Variants in INPP4B observed in about 807,000 individuals in gnomAD.
INPP4B encodes inositol polyphosphate 4-phosphatase type II.
In INPP4B, 55 loss-of-function variants were observed where a neutral mutation model predicts 122.5. The ratio of observed to expected loss-of-function variants is 0.45; its 90% CI spans 0.36 to 0.56. INPP4B has a LOEUF of 0.56. Ranked by LOEUF, INPP4B falls within the 20% of genes least tolerant of loss-of-function variation. INPP4B has a pLI of 0.00. For missense variants in INPP4B, 1,000 were observed against 1,097.7 expected (o/e 0.91, Z 1.26); for synonymous variants, 403 against 388.7 (o/e 1.04, Z -0.43).
At chr4:142,638,814 G>C (rs1749740099) in intron 2 of INPP4B, among the ~76,000 whole-genome samples, 1 of 152,110 alleles carries the variant, frequency 6.6e-6, no homozygotes, top group African/African-American at 2.4e-5. Flanking sequence ...CCAAAGTGCT[G>C]GGATTACAGG....
intron 23 of INPP4B, among the ~76,000 whole-genome samples, chr4:142,087,617 C>T (rs1777479236): frequency 6.6e-6 from 1 of 152,202 alleles, no homozygotes; most frequent in Admixed American, 6.5e-5. Flanking sequence ...TGGACTACAA[C>T]TACGTTACCG....
chr4:142,446,836 CA>C (rs1417351035), intron 3 of INPP4B, among the ~76,000 whole-genome samples: 2 of 151,992 alleles, frequency 1.3e-5, no homozygotes, highest in African/African-American at 4.8e-5. Context: ...TAGCTTGGTG[CA>C]AAAGTAATTG....
chr4:142,063,579 G>A (rs1762058483), intron 25 of INPP4B, among the ~76,000 whole-genome samples: 1 of 152,076 alleles, frequency 6.6e-6, no homozygotes, highest in African/African-American at 2.4e-5. Context: ...ACATTTGGTT[G>A]GAGATAAAGC....
intron 25 of INPP4B, among the ~76,000 whole-genome samples, chr4:142,044,409 GTA>G (rs1750133751): frequency 1.3e-5 from 2 of 152,174 alleles, no homozygotes; most frequent in African/African-American, 4.8e-5. Flanking sequence ...GTGTAAGTAA[GTA>G]TGTGTCAAAT....
At chr4:142,581,360 G>T (rs1735012763) in intron 2 of INPP4B, among the ~76,000 whole-genome samples, 1 of 151,938 alleles carries the variant, frequency 6.6e-6, no homozygotes, top group Admixed American at 6.6e-5. Context: ...GAAACCAAGG[G>T]CAAGCAAACA....
chr4:142,714,335 T>C (rs1422183266), intron 2 of INPP4B, among the ~76,000 whole-genome samples: 1 of 152,232 alleles, frequency 6.6e-6, no homozygotes, highest in Admixed American at 6.5e-5. Flanking sequence ...CCATGTTCTC[T>C]TCTTTTCACT....
At chr4:142,287,566 A>C (rs545850663) in intron 9 of INPP4B, 1 of 152,268 alleles carries the variant, frequency 6.6e-6, no homozygotes, top group South Asian at 2.1e-4. Context: ...CCTTCTTCTA[A>C]ATCTCAACTT....
chr4:142,547,918 T>C (rs919306403), intron 2 of INPP4B, among the ~76,000 whole-genome samples: 1 of 152,130 alleles, frequency 6.6e-6, no homozygotes, highest in Non-Finnish European at 1.5e-5. Context: ...GCAAAAACAA[T>C]GCAAGTTTAT....
At chr4:142,834,498 A>G (rs1782543531) in intron 1 of INPP4B, among the ~76,000 whole-genome samples, 1 of 152,192 alleles carries the variant, frequency 6.6e-6, no homozygotes, top group Admixed American at 6.5e-5. Context: ...CCAAATCAAG[A>G]TGCTGGTCAT....
chr4:142,448,967 C>T (rs890793396), intron 3 of INPP4B, among the ~76,000 whole-genome samples: 2 of 152,150 alleles, frequency 1.3e-5, no homozygotes, highest in Admixed American at 6.6e-5. Context: ...AGATAATTCC[C>T]GTCAGGGCAA....
In INPP4B at chr4:142,028,305, A is replaced by AT. The variant is rs999175813; in HGVS notation, c.*476dup. 1.3e-4 allele frequency: 29 copies of AT among 227,006 alleles called. No homozygotes were observed. Among genetic ancestry groups the AT allele is most frequent in the East Asian group, 1.0e-3 (16 of 15,734 alleles). 14.1% of individuals were successfully genotyped at this position (227,006 alleles called of 1,614,324 possible). A position where few individuals can be genotyped will look rare whatever the true frequency, so the allele number is the denominator to read the frequency against. On this transcript the variant is annotated 3_prime_UTR_variant, in exon 26 of 26. Transcript: ENST00000262992. ...ACTCTACCTAATTGAGTGGCTACAC[A>AT]TTTTTTTTAAATCCCTTACATTGAT...
chr4:142,112,465 G>A (rs1790694570), intron 22 of INPP4B, 77 bp downstream of exon 22: 1 of 1,397,444 alleles, frequency 7.2e-7, no homozygotes, highest in African/African-American at 1.5e-5. Context: ...TCTACATGCA[G>A]ATACATGGGA....
intron 1 of INPP4B, among the ~76,000 whole-genome samples, chr4:142,836,947 C>G (rs1434528890): frequency 6.6e-6 from 1 of 151,776 alleles, no homozygotes; most frequent in Non-Finnish European, 1.5e-5. Context: ...GGGTGGATCA[C>G]TTGAGGTCAG....
chr4:142,699,598 A>C (rs1761459135), intron 2 of INPP4B, among the ~76,000 whole-genome samples: 1 of 152,156 alleles, frequency 6.6e-6, no homozygotes, highest in Admixed American at 6.5e-5. Context: ...TATATTATAC[A>C]TCCCTGATCC....
At chr4:142,437,687 A>G (rs1426376590) in intron 3 of INPP4B, among the ~76,000 whole-genome samples, 3 of 152,282 alleles carry the variant, frequency 2.0e-5, no homozygotes, top group African/African-American at 7.2e-5. Flanking sequence ...TTAATGATAA[A>G]GGGGATATCA....
chr4:142,806,261 C>A (rs1246088446), intron 1 of INPP4B, among the ~76,000 whole-genome samples: 6 of 108,498 alleles, frequency 5.5e-5, no homozygotes, highest in East Asian at 5.4e-4. Context: ...CCTGGGAGAA[C>A]GAGTGAGACT....
intron 17 of INPP4B, among the ~76,000 whole-genome samples, chr4:142,156,588 A>T (rs1188220982): frequency 6.6e-6 from 1 of 152,134 alleles, no homozygotes; most frequent in Non-Finnish European, 1.5e-5. Flanking sequence ...TAAACCCTTA[A>T]AGCATTCCAT....
intron 2 of INPP4B, among the ~76,000 whole-genome samples, chr4:142,683,449 A>T (rs114304448): frequency 6.6e-6 from 1 of 151,860 alleles, no homozygotes; most frequent in Non-Finnish European, 1.5e-5. Context: ...AGCACAGAGT[A>T]TCTGGCTTTG....
intron 12 of INPP4B, among the ~76,000 whole-genome samples, chr4:142,228,616 ATAAC>A (rs767036795): frequency 1.6e-4 from 24 of 152,122 alleles, no homozygotes; most frequent in Middle Eastern, 3.5e-3. Context: ...TAAATTCCAA[ATAAC>A]TAACATGTTT....
Sources: gnomAD v4.1 joint callset for allele counts (sites outside exome capture counted in the v4.1 genomes callset) on GRCh38, gnomAD v4.1.1 for gene constraint, MANE v1.5 for transcripts, NCBI Gene and HGNC (gene_info 2026-07-23, HGNC 2026-07-21) for gene names.